Variants in WDR36 observed in about 807,000 individuals in gnomAD.
The protein encoded by WDR36 is WD repeat domain 36, also known as WD repeat-containing protein 36.
In WDR36, 63 loss-of-function variants were observed where a neutral mutation model predicts 112.7. The ratio of observed to expected loss-of-function variants is 0.56; its 90% confidence interval spans 0.46 to 0.69. The LOEUF (loss-of-function observed/expected upper bound fraction) is 0.69. Ranked by LOEUF, WDR36 falls within the 30% of genes least tolerant of loss-of-function variation. The probability of loss-of-function intolerance (pLI) is 0.00; values close to 1 mark genes in which losing one functional copy is unlikely to be tolerated. For missense variants in WDR36, 1,226 were observed against 1,070.3 expected (o/e 1.15, Z -2.03); for synonymous variants, 410 against 362.2 (o/e 1.13, Z -1.50).
At chr5:111,121,995 A>G (rs532818183) in intron 19 of WDR36, among the ~76,000 whole-genome samples, 14 of 152,328 alleles carry the variant, frequency 9.2e-5, no homozygotes, top group African/African-American at 3.4e-4. Flanking sequence ...CTTGTAACTA[A>G]TAACACAAGA....
At chr5:111,104,896 C>T in intron 9 of WDR36, 79 bp downstream of exon 9, 1 of 1,590,532 alleles carries the variant, frequency 6.3e-7, no homozygotes, top group Admixed American at 1.7e-5. Flanking sequence ...TTGATATTTA[C>T]ACATACTTAG....
intron 16 of WDR36, among the ~76,000 whole-genome samples, chr5:111,117,588 C>A (rs901100892): frequency 2.0e-5 from 3 of 152,160 alleles, no homozygotes; most frequent in African/African-American, 7.2e-5. Context: ...CAGTTGCTTT[C>A]TACCTTGAGC....
At chr5:111,099,719 C>T (rs80051940) in intron 4 of WDR36, among the ~76,000 whole-genome samples, 4 of 151,752 alleles carry the variant, frequency 2.6e-5, no homozygotes, top group Non-Finnish European at 5.9e-5. Context: ...TAGTGACTGA[C>T]GAATAAAGGC....
chr5:111,099,699 G>T (rs1488283188), intron 4 of WDR36, among the ~76,000 whole-genome samples: 1 of 151,742 alleles, frequency 6.6e-6, no homozygotes, highest in Non-Finnish European at 1.5e-5. Context: ...TATATTCAGG[G>T]AGCCATTTGT....
chr5:111,111,085 AC>A (rs1753328179), intron 14 of WDR36, 84 bp from the exon 15 acceptor site: 2 of 1,550,354 alleles, frequency 1.3e-6, no homozygotes, highest in Non-Finnish European at 8.9e-7. Context: ...CCCAAAGTGT[AC>A]TTGATTTAAC....
Position 111,092,353 on chromosome 5 carries a change from G to T in WDR36, c.-104G>T, listed in dbSNP as rs1752876783. On this transcript the variant is annotated 5_prime_UTR_variant, in exon 1 of 23. Coordinates refer to ENST00000513710, the MANE Select transcript of WDR36 (RefSeq NM_139281.3). Reference sequence around the variant, plus strand: ...CAGCGGGCGCCGGAAGCGGTGTTGTGTCTGCAGCTCTGGCAGAGGACTGTT... The same window carrying T: ...CAGCGGGCGCCGGAAGCGGTGTTGTTTCTGCAGCTCTGGCAGAGGACTGTT... 2 of 1,614,140 alleles carry T rather than the reference G, an allele frequency of 1.2e-6. No homozygotes were observed. Among genetic ancestry groups the T allele is most frequent in the East Asian group, 2.2e-5 (1 of 44,894 alleles).
At chr5:111,122,943 C>A (rs1353069541) in intron 19 of WDR36, among the ~76,000 whole-genome samples, 1 of 152,102 alleles carries the variant, frequency 6.6e-6, no homozygotes, top group Non-Finnish European at 1.5e-5. Context: ...AACCCCATCT[C>A]TACTATAAAT....
At chr5:111,095,215 G>A (rs963786138) in intron 2 of WDR36, 2 of 385,214 alleles carry the variant, frequency 5.2e-6, no homozygotes, top group Admixed American at 4.1e-5. Flanking sequence ...AAGAGTACAG[G>A]CTCATTTAGA....
chr5:111,096,086 A>G (rs1029824824), intron 2 of WDR36, among the ~76,000 whole-genome samples: 2 of 152,214 alleles, frequency 1.3e-5, no homozygotes, highest in Non-Finnish European at 2.9e-5. Context: ...GCAAACAAAT[A>G]CTAATATGGA....
In WDR36 at chr5:111,104,291, G is replaced by A; in HGVS notation, c.845G>A (p.Gly282Glu). ...AATGCACACTCTACAGCAATTGCCG[G>A]ACTGACATTTCTCCATAGAGAGCCA... ...MRNAHSTAIA[G>E]LTFLHREPLL... Residue 282 changes from glycine (G) to glutamate (E), a missense_variant, in exon 8 of 23, where the codon GGA becomes GAA. Physicochemically the swap from Gly to Glu is moderately conservative, Grantham distance 98 (BLOSUM62 -2). Coordinates refer to ENST00000513710, the MANE Select transcript of WDR36 (RefSeq NM_139281.3). 1 of 1,612,088 alleles carries A rather than the reference G, an allele frequency of 6.2e-7. No homozygotes were observed. Among genetic ancestry groups the A allele is most frequent in the African/African-American group, 1.3e-5 (1 of 74,862 alleles).
chr5:111,099,451 G>GTTTTTTT (rs796092518), intron 4 of WDR36, among the ~76,000 whole-genome samples: 5 of 55,672 alleles, frequency 9.0e-5, no homozygotes, highest in African/African-American at 1.7e-4. Flanking sequence ...GTTTTTTTTT[G>GTTTTTTT]TTTTTTTTTT....
At chr5:111,096,178 C>T (rs1752974574) in intron 2 of WDR36, among the ~76,000 whole-genome samples, 1 of 152,048 alleles carries the variant, frequency 6.6e-6, no homozygotes, top group South Asian at 2.1e-4. Flanking sequence ...TCAGTGTGAC[C>T]AGGATACTGA....
chr5:111,105,434 A>G (rs1753205280), intron 10 of WDR36, 74 bp downstream of exon 10: 1 of 1,352,160 alleles, frequency 7.4e-7, no homozygotes, highest in South Asian at 1.2e-5. Flanking sequence ...AACTGGAGGA[A>G]GTTTCATCAA....
chr5:111,117,599 G>A (rs1753479445), intron 16 of WDR36, among the ~76,000 whole-genome samples: 2 of 152,128 alleles, frequency 1.3e-5, no homozygotes, highest in African/African-American at 2.4e-5. Context: ...TACCTTGAGC[G>A]AGTTTTCAAA....
chr5:111,092,360 G>T lies in WDR36; in HGVS notation c.-97G>T, dbSNP rs750606695. On this transcript the variant is annotated 5_prime_UTR_variant, in exon 1 of 23. Transcript: ENST00000513710. Reference sequence around the variant, plus strand: ...CGCCGGAAGCGGTGTTGTGTCTGCAGCTCTGGCAGAGGACTGTTCCACTAG... The same window carrying T: ...CGCCGGAAGCGGTGTTGTGTCTGCATCTCTGGCAGAGGACTGTTCCACTAG... 4.3e-6 allele frequency: 7 copies of T among 1,614,134 alleles called. No homozygotes were observed. Among genetic ancestry groups the T allele is most frequent in the African/African-American group, 1.3e-5 (1 of 74,948 alleles).
intron 2 of WDR36, 158 bp from the exon 3 acceptor site, chr5:111,096,921 A>T: frequency 3.5e-6 from 2 of 575,730 alleles, no homozygotes; most frequent in Non-Finnish European, 6.1e-6. Flanking sequence ...TAGATATCTA[A>T]AATATTTTAG....
At chr5:111,104,032 G>A (rs919193131) in intron 7 of WDR36, 114 bp downstream of exon 7, 3 of 1,433,692 alleles carry the variant, frequency 2.1e-6, no homozygotes, top group African/African-American at 2.9e-5. Flanking sequence ...AATGAATACT[G>A]GAGTAAAAGG....
At chr5:111,092,646 A>G (rs770809038) in intron 1 of WDR36, 28 bp downstream of exon 1, 1 of 1,602,544 alleles carries the variant, frequency 6.2e-7, no homozygotes, top group South Asian at 1.1e-5. Flanking sequence ...TTAGCTTCCC[A>G]GGAAAACCAC....
At position 111,110,204 on chromosome 5, in the gene WDR36, T is replaced by G; in HGVS notation, c.1342T>G (p.Ser448Ala). Reference protein sequence around the residue: ...DITATAVDITSCGNFAVIGLS... With the variant: ...DITATAVDITACGNFAVIGLS... ...TTTCTTAAAGGCAGTGGATATAACT[T>G]CTTGTGGAAACTTTGCTGTAATTGG... The change falls in exon 13 of 23, where the codon TCT (serine) becomes GCT (alanine). Residue 448 changes from serine to alanine, a missense_variant. Coordinates refer to ENST00000513710, the MANE Select transcript of WDR36 (RefSeq NM_139281.3). The G allele has an allele frequency of 6.2e-7, 1 of 1,610,482 alleles. No homozygotes were observed. The highest frequency in any genetic ancestry group is 8.5e-7 in the Non-Finnish European group (1 of 1,177,280).
Sources: gnomAD v4.1 joint callset for allele counts (sites outside exome capture counted in the v4.1 genomes callset) on GRCh38, gnomAD v4.1.1 for gene constraint, MANE v1.5 for transcripts, NCBI Gene and HGNC (gene_info 2026-07-23, HGNC 2026-07-21) for gene names.